The following CROCC2 variants were observed in gnomAD, a reference collection of about 807,000 sequenced individuals.
The protein encoded by CROCC2 is ciliary rootlet coiled-coil, rootletin family member 2.
In CROCC2, 163 loss-of-function variants were observed where a neutral mutation model predicts 177.6. The observed-to-expected ratio is 0.92, with a 90% CI of 0.81 to 1.05. The LOEUF (loss-of-function observed/expected upper bound fraction) is 1.05, where lower values mean the gene tolerates loss of function less well. Among genes scored for constraint, CROCC2 ranks in the 50% least tolerant of loss-of-function variants. The probability of loss-of-function intolerance (pLI) is 0.00; values close to 1 mark genes in which losing one functional copy is unlikely to be tolerated. For missense variants in CROCC2, 1,929 were observed against 1,797.8 expected, an observed-to-expected ratio of 1.07 and a Z score of -1.32; for synonymous variants, 904 against 787.3, an observed-to-expected ratio of 1.15 and a Z score of -2.48.
At chr2:240,925,157 C>G (rs2059387604) in intron 4 of CROCC2, among the ~76,000 whole-genome samples, 1 of 152,202 alleles carries the variant, frequency 6.6e-6, no homozygotes. Context: ...TGCTGAGAAA[C>G]TTTTGAAAAC....
At chr2:240,988,901 C>G in intron 29 of CROCC2, 31 bp downstream of exon 29, 1 of 1,392,856 alleles carries the variant, frequency 7.2e-7, no homozygotes, top group Non-Finnish European at 9.4e-7. Context: ...TCTGCATACC[C>G]CAGGCCTGGG....
intron 18 of CROCC2, among the ~76,000 whole-genome samples, chr2:240,952,100 C>A (rs1377304457): frequency 6.6e-6 from 1 of 152,128 alleles, no homozygotes; most frequent in Non-Finnish European, 1.5e-5. Context: ...AATCACAGCA[C>A]TTTGGGAGAC....
chr2:240,989,606 C>T (rs1383940576), intron 29 of CROCC2, 48 bp from the exon 30 acceptor site: 46 of 1,497,098 alleles, frequency 3.1e-5, no homozygotes, highest in Middle Eastern at 1.7e-4. Context: ...GGATTCTGTG[C>T]GGCCCTCAGT....
At chr2:240,931,769 C>G (rs562978875) in intron 7 of CROCC2, among the ~76,000 whole-genome samples, 1 of 152,334 alleles carries the variant, frequency 6.6e-6, no homozygotes, top group East Asian at 1.9e-4. Context: ...GCCCTCCCTA[C>G]CCTCAGGGGG....
At position 240,964,401 on chromosome 2, in the gene CROCC2, T is replaced by G; in HGVS notation, c.3306-65T>G. The G allele has an allele frequency of 4.5e-6, 7 of 1,540,352 alleles. No homozygotes were observed. In the South Asian group the frequency reaches 8.4e-5, roughly 18 times the overall value. ...TGCCTCACTAGGGGAGGCAGAGACC[T>G]GCTGGGCAGCTGTGCTGGCCCCACC... On this transcript the variant is annotated intron_variant, in intron 21 of 31. Coordinates refer to ENST00000690015, the MANE Select transcript of CROCC2 (RefSeq NM_001351305.2).
At chr2:240,942,765 C>A (rs2059501676) in intron 14 of CROCC2, among the ~76,000 whole-genome samples, 1 of 152,156 alleles carries the variant, frequency 6.6e-6, no homozygotes, top group South Asian at 2.1e-4. Context: ...ATATAACTCT[C>A]CTATGTTCCT....
chr2:240,956,026 C>T (rs1448341273), intron 19 of CROCC2, 54 bp downstream of exon 19: 9 of 1,330,320 alleles, frequency 6.8e-6, no homozygotes, highest in Non-Finnish European at 9.4e-6. Context: ...CTGGCAGACC[C>T]CAGGGGGCCA....
rs1280666077 is a variant in CROCC2 at position 240,925,800 on chromosome 2, G to T, written c.565G>T (p.Gly189Cys). Reference protein sequence around the residue: ...EHMKKANDALGRELAGMTGSV... With the variant: ...EHMKKANDALCRELAGMTGSV... ...TATGAAGAAGGCCAATGACGCGCTG[G>T]GCCGGGAGCTGGCCGGGATGACGGG... Residue 189 changes from glycine (G) to cysteine (C), a missense_variant, in exon 5 of 32, where the codon GGC becomes TGC. Gly to Cys is a radical substitution (Grantham distance 159, BLOSUM62 -3). Coordinates refer to ENST00000690015, the MANE Select transcript of CROCC2 (RefSeq NM_001351305.2). 1.4e-6 allele frequency: 1 copy of T among 716,966 alleles called. No individual in the cohort carries two copies. Among genetic ancestry groups the T allele is most frequent in the East Asian group, 2.7e-5 (1 of 37,282 alleles). 44.4% of individuals were successfully genotyped at this position (716,966 alleles called of 1,614,324 possible). A position where few individuals can be genotyped will look rare whatever the true frequency, so the allele number is the denominator to read the frequency against.
intron 27 of CROCC2, chr2:240,981,590 GA>G (rs2059800536): frequency 1.3e-5 from 2 of 152,254 alleles, no homozygotes; most frequent in South Asian, 4.1e-4. Context: ...AAACTGCCAT[GA>G]AATATTTAAG....
chr2:240,906,472 G>A lies in CROCC2; in HGVS notation c.-42G>A. ...CCAGTTGGAGGAGAACTGCCAGGTA[G>A]CAAAGCCCAGACTTCTCTGGGGTCC... On this transcript the variant is annotated 5_prime_UTR_variant, in exon 1 of 32. Coordinates refer to ENST00000690015, the MANE Select transcript of CROCC2 (RefSeq NM_001351305.2). The A allele has an allele frequency of 2.5e-6, 1 of 399,052 alleles. No individual in the cohort carries two copies. Among genetic ancestry groups the A allele is most frequent in the Non-Finnish European group, 4.4e-6 (1 of 226,072 alleles). 24.7% of individuals were successfully genotyped at this position (399,052 alleles called of 1,614,324 possible).
chr2:240,963,275 G>A (rs574290333), intron 20 of CROCC2: 18 of 478,520 alleles, frequency 3.8e-5, no homozygotes, highest in Middle Eastern at 5.5e-4. Context: ...AGTGGTCAGC[G>A]TCCTGGGGGT....
rs181781423 is a variant in CROCC2 at position 240,973,253 on chromosome 2, C to G, written c.4401+4991C>G. On this transcript the variant is annotated intron_variant, in intron 27 of 31. Transcript: ENST00000690015. The surrounding 1 kb of genome is among the most constrained non-coding windows in gnomAD (Gnocchi z 4.7). Reference sequence around the variant, plus strand: ...TCTTGTTTGAGAGCAAATCCCTCCCCGTTTCCAAGGCTACCCTGGGAATTC... The same window carrying G: ...TCTTGTTTGAGAGCAAATCCCTCCCGGTTTCCAAGGCTACCCTGGGAATTC... 7.9e-5 allele frequency among the ~76,000 whole-genome samples: 12 copies of G among 152,204 alleles called. No individual in the cohort carries two copies. Among genetic ancestry groups the G allele is most frequent in the African/African-American group, 1.2e-4 (5 of 41,444 alleles).
chr2:240,948,261 C>T (rs1249635438), intron 15 of CROCC2, among the ~76,000 whole-genome samples: 1 of 151,982 alleles, frequency 6.6e-6, no homozygotes, highest in African/African-American at 2.4e-5. Flanking sequence ...CTCTGCGAGC[C>T]CTGGCGAGCC....
In CROCC2 at chr2:240,966,774, G is replaced by A. The variant is rs2059687229; in HGVS notation, c.4146+365G>A. On this transcript the variant is annotated intron_variant, in intron 25 of 31. Coordinates refer to ENST00000690015, the MANE Select transcript of CROCC2 (RefSeq NM_001351305.2). The stretch of plus-strand genomic sequence containing the variant: ...CAATGCTCCCAAAGACCCCTCCGGT[G>A]GGGCCAAGCTCCCCAGTGGCTGCTC... Among the ~76,000 whole-genome samples, 3 of 152,166 alleles carry A rather than the reference G, an allele frequency of 2.0e-5. No homozygotes were observed. In the South Asian group the frequency reaches 6.2e-4, roughly 32 times the overall value.
At chr2:240,932,670 C>T in intron 8 of CROCC2, 32 bp from the exon 9 acceptor site, 1 of 722,344 alleles carries the variant, frequency 1.4e-6, no homozygotes, top group South Asian at 1.5e-5. Flanking sequence ...GTGCTCTGGG[C>T]CCCTCTATCC....
chr2:240,937,659 T>G (rs1192818171), intron 14 of CROCC2, among the ~76,000 whole-genome samples: 4 of 152,262 alleles, frequency 2.6e-5, no homozygotes, highest in African/African-American at 9.6e-5. Context: ...CATTTGGATC[T>G]ATGATCCATT....
At position 240,982,484 on chromosome 2, in the gene CROCC2, G is replaced by C. The variant is rs1408093822; in HGVS notation, c.4402-396G>C. On this transcript the variant is annotated intron_variant, in intron 27 of 31. Coordinates refer to ENST00000690015, the MANE Select transcript of CROCC2 (RefSeq NM_001351305.2). The surrounding 1 kb of genome is among the most constrained non-coding windows in gnomAD (Gnocchi z 4.7). ...GGCAAGCAGGGCCTGAGCCGAACAG[G>C]CTCCAGGAGCCTTGGGGAGGGTCAC... The C allele has an allele frequency of 1.2e-5, 2 of 163,154 alleles. No homozygotes were observed. Among genetic ancestry groups the C allele is most frequent in the Non-Finnish European group, 2.6e-5 (2 of 75,802 alleles). 10.1% of individuals were successfully genotyped at this position (163,154 alleles called of 1,614,324 possible).
At chr2:240,922,157 G>A (rs549393597) in intron 3 of CROCC2, among the ~76,000 whole-genome samples, 1 of 152,310 alleles carries the variant, frequency 6.6e-6, no homozygotes, top group East Asian at 1.9e-4. Flanking sequence ...CCAGGTAGCT[G>A]GGGCAGTGGG....
intron 5 of CROCC2, among the ~76,000 whole-genome samples, chr2:240,927,399 CG>C (rs2059401884): frequency 6.6e-6 from 1 of 152,202 alleles, no homozygotes; most frequent in Admixed American, 6.5e-5. Context: ...CTCTGAGCTC[CG>C]GCTAGACATG....
Sources: allele counts gnomAD v4.1 joint callset (sites outside exome capture counted in the v4.1 genomes callset), GRCh38; gene constraint gnomAD v4.1.1; non-coding constraint Gnocchi (gnomAD v3.1); transcripts MANE v1.5; gene names NCBI Gene and HGNC (gene_info 2026-07-23, HGNC 2026-07-21).